DST: variants seen among roughly 807,000 people sequenced by gnomAD.
The protein encoded by DST is dystonin, also known as bullous pemphigoid antigen.
A neutral mutation model predicts 875.2 loss-of-function variants in DST; 253 were observed. That is an observed-to-expected ratio of 0.29 (90% CI 0.26 to 0.32). DST has a LOEUF of 0.32. Ranked by LOEUF, DST falls within the 10% of genes least tolerant of loss-of-function variation. DST has a pLI of 1.00. For missense variants in DST, 8,287 were observed against 9,111.6 expected (o/e 0.91, Z 3.68); for synonymous variants, 3,124 against 3,197.1 (o/e 0.98, Z 0.77).
chr6:56,470,596 A>G (rs796261762), intron 95 of DST, among the ~76,000 whole-genome samples: 115 of 152,276 alleles, frequency 7.6e-4, no homozygotes, highest in African/African-American at 2.7e-3. Flanking sequence ...TAAGAATGAC[A>G]TCTAGTAACA....
intron 2 of DST, among the ~76,000 whole-genome samples, chr6:56,914,063 T>C (rs545894798): frequency 2.6e-5 from 4 of 152,164 alleles, no homozygotes; most frequent in East Asian, 3.9e-4. Context: ...CCAGGGTTTA[T>C]TCTGTTGAAA....
chr6:56,886,230 G>A (rs1372750208), intron 3 of DST, among the ~76,000 whole-genome samples: 1 of 152,162 alleles, frequency 6.6e-6, no homozygotes, highest in Non-Finnish European at 1.5e-5. Flanking sequence ...AGCATTGTCA[G>A]AGATAAAGAC....
intron 4 of DST, among the ~76,000 whole-genome samples, chr6:56,802,061 A>T (rs1000440111): frequency 6.6e-6 from 1 of 152,078 alleles, no homozygotes; most frequent in Non-Finnish European, 1.5e-5. Context: ...TCCACATAAT[A>T]ATTATTAAGA....
At chr6:56,500,844 T>C (rs1385513436) in intron 80 of DST, among the ~76,000 whole-genome samples, 5 of 152,162 alleles carry the variant, frequency 3.3e-5, no homozygotes, top group Non-Finnish European at 7.4e-5. Flanking sequence ...TGCTCATCCT[T>C]GTTTTGTTTG....
At chr6:56,723,436 T>C (rs1439832486) in intron 5 of DST, among the ~76,000 whole-genome samples, 5 of 151,968 alleles carry the variant, frequency 3.3e-5, no homozygotes, top group Non-Finnish European at 7.4e-5. Flanking sequence ...TGTTGGTGCA[T>C]GCTTGTAATC....
At chr6:56,839,518 C>A (rs964537821) in intron 4 of DST, among the ~76,000 whole-genome samples, 4 of 152,142 alleles carry the variant, frequency 2.6e-5, no homozygotes, top group East Asian at 1.9e-4. Context: ...ATGAACAGAG[C>A]ATGAGCAGAA....
chr6:56,492,277 A>T lies in DST; in HGVS notation c.20707T>A (p.Leu6903Met). 1 of 1,613,776 alleles carries T rather than the reference A, an allele frequency of 6.2e-7. No individual in the cohort carries two copies. Among genetic ancestry groups the T allele is most frequent in the Non-Finnish European group, 8.5e-7 (1 of 1,179,790 alleles). ...QSRWEKVVQR[L>M]VERGRSLDDA... ...TCCAAAGATCTTCCTCTCTCTACCAACCGTTGAACCACTTTTTCCCATCGA... is the reference window on the plus strand; with the variant it reads ...TCCAAAGATCTTCCTCTCTCTACCATCCGTTGAACCACTTTTTCCCATCGA... Residue 6903 changes from leucine (L) to methionine (M), a missense_variant, in exon 85 of 104, where the codon TTG (leucine) becomes ATG (methionine). Around this residue, in one of 10 missense-constraint regions of DST, gnomAD observed 1,292 missense variants for 1,552.7 expected, o/e 0.83. Coordinates refer to ENST00000680361, the MANE Select transcript of DST (RefSeq NM_001374736.1).
intron 3 of DST, among the ~76,000 whole-genome samples, chr6:56,874,567 C>T (rs989247319): frequency 6.6e-6 from 1 of 152,136 alleles, no homozygotes; most frequent in Admixed American, 6.5e-5. Context: ...TCTTATGAAA[C>T]GTGCATTGCT....
chr6:56,885,890 G>A (rs754225320), intron 3 of DST, among the ~76,000 whole-genome samples: 3 of 152,178 alleles, frequency 2.0e-5, no homozygotes, highest in Non-Finnish European at 2.9e-5. Flanking sequence ...GATCCCCATC[G>A]ATCTTAGTAA....
intron 3 of DST, among the ~76,000 whole-genome samples, chr6:56,868,169 C>G (rs908666038): frequency 6.6e-6 from 1 of 152,082 alleles, no homozygotes; most frequent in African/African-American, 2.4e-5. Flanking sequence ...TAAGTATAAA[C>G]AATTTTAAAT....
intron 4 of DST, among the ~76,000 whole-genome samples, chr6:56,740,151 A>G (rs888926213): frequency 1.1e-4 from 17 of 152,142 alleles, no homozygotes; most frequent in Non-Finnish European, 5.9e-5. Context: ...GCCAGGCGTG[A>G]GCCACCGCAC....
At chr6:56,918,664 C>A (rs1209478045) in intron 2 of DST, among the ~76,000 whole-genome samples, 1 of 152,214 alleles carries the variant, frequency 6.6e-6, no homozygotes, top group East Asian at 1.9e-4. Context: ...TCTAGCAACA[C>A]TATGAAAGTG....
chr6:56,546,939 C>A (rs2097239539), intron 61 of DST, among the ~76,000 whole-genome samples: 1 of 152,038 alleles, frequency 6.6e-6, no homozygotes, highest in African/African-American at 2.4e-5. Context: ...AAGGTAAAAG[C>A]AAAACAAAAT....
intron 4 of DST, among the ~76,000 whole-genome samples, chr6:56,773,015 C>A (rs62411366): frequency 0.13 from 19,192 of 152,036 alleles, 1,663 homozygotes; most frequent in Middle Eastern, 0.2. Context: ...TGGCTTCTGG[C>A]CAACAGCAAG....
At chr6:56,853,290 G>A (rs1242988022) in intron 3 of DST, among the ~76,000 whole-genome samples, 1 of 152,110 alleles carries the variant, frequency 6.6e-6, no homozygotes, top group Non-Finnish European at 1.5e-5. Flanking sequence ...TTTCTGTATT[G>A]TAGCTACAAT....
At chr6:56,642,284 A>G in intron 16 of DST, 126 bp downstream of exon 16, 1 of 893,034 alleles carries the variant, frequency 1.1e-6, no homozygotes, top group Non-Finnish European at 1.8e-6. Context: ...ATAATCTTTA[A>G]CAAACTTTAA....
intron 87 of DST, among the ~76,000 whole-genome samples, chr6:56,485,905 G>C (rs939515827): frequency 6.6e-6 from 1 of 151,904 alleles, no homozygotes; most frequent in Non-Finnish European, 1.5e-5. Flanking sequence ...AATCTTCCTC[G>C]TGCTGTCTCT....
chr6:56,630,732 A>G (rs1264081035), intron 30 of DST, among the ~76,000 whole-genome samples: 1 of 152,170 alleles, frequency 6.6e-6, no homozygotes, highest in Non-Finnish European at 1.5e-5. Context: ...TCTCTGAAGC[A>G]CATCCACTAT....
At chr6:56,573,997 T>TA in intron 50 of DST, 110 bp from the exon 51 acceptor site, 2 of 757,630 alleles carry the variant, frequency 2.6e-6, no homozygotes, top group South Asian at 4.9e-5. Flanking sequence ...ATTTAAAAAA[T>TA]AAAAAGTTCA....
Sources: allele counts gnomAD v4.1 joint callset (sites outside exome capture counted in the v4.1 genomes callset), GRCh38; gene constraint gnomAD v4.1.1; regional missense constraint gnomAD v4.1.1; transcripts MANE v1.5; gene names NCBI Gene and HGNC (gene_info 2026-07-23, HGNC 2026-07-21).